Variants in TRHDE observed in about 807,000 individuals in gnomAD.
TRHDE encodes the protein thyrotropin-releasing hormone-degrading ectoenzyme.
A neutral mutation model predicts 125.7 loss-of-function variants in TRHDE; 72 were observed. The ratio of observed to expected loss-of-function variants is 0.57; its 90% confidence interval spans 0.47 to 0.70. The LOEUF is 0.70. Ranked by LOEUF, TRHDE falls within the 30% of genes least tolerant of loss-of-function variation. The probability of loss-of-function intolerance (pLI) is 0.00; values close to 1 mark genes in which losing one functional copy is unlikely to be tolerated. For missense variants in TRHDE, 1,110 were observed against 1,327.1 expected (o/e 0.84, Z 2.54); for synonymous variants, 509 against 509.1 (o/e 1.00, Z 0.00).
intron 12 of TRHDE, among the ~76,000 whole-genome samples, chr12:72,617,165 T>C (rs1163264213): frequency 6.6e-6 from 1 of 152,100 alleles, no homozygotes; most frequent in South Asian, 2.1e-4. Flanking sequence ...CAAATCTAGA[T>C]ACACTCTAAA....
intron 12 of TRHDE, among the ~76,000 whole-genome samples, 181 bp downstream of exon 12, chr12:72,575,723 T>G (rs1870961878): frequency 6.6e-6 from 1 of 152,150 alleles, no homozygotes; most frequent in South Asian, 2.1e-4. Context: ...CAATAATAGC[T>G]ATAGGGTATT....
chr12:72,558,504 GA>G (rs1258450604), intron 7 of TRHDE, among the ~76,000 whole-genome samples: 2 of 152,182 alleles, frequency 1.3e-5, no homozygotes, highest in Non-Finnish European at 2.9e-5. Flanking sequence ...ACAAGATTAT[GA>G]GGGCCATTTT....
chr12:72,167,452 C>G (rs1488968474), intron 2 of TRHDE: 3 of 152,120 alleles, frequency 2.0e-5, no homozygotes, highest in African/African-American at 7.2e-5. Flanking sequence ...TCTCTGCTTA[C>G]AAAGCTAACA....
intron 2 of TRHDE, among the ~76,000 whole-genome samples, chr12:72,261,421 G>T (rs1449270509): frequency 6.6e-6 from 1 of 152,124 alleles, no homozygotes; most frequent in Non-Finnish European, 1.5e-5. Context: ...AATGTGGCTG[G>T]CAGAGACCTA....
intron 2 of TRHDE, among the ~76,000 whole-genome samples, chr12:72,190,985 C>T (rs1026685203): frequency 2.0e-5 from 3 of 152,158 alleles, no homozygotes; most frequent in Admixed American, 6.5e-5. Context: ...ATTTTGCTTT[C>T]CCTGCTGCCA....
chr12:72,503,365 C>T lies in TRHDE; in HGVS notation c.1722+3730C>T, dbSNP rs139698726. Among the ~76,000 whole-genome samples the T allele has an allele frequency of 1.1e-4, 16 of 152,260 alleles. No homozygotes were observed. In the East Asian group the frequency reaches 3.1e-3, roughly 29 times the overall value. On this transcript the variant is annotated intron_variant, in intron 6 of 18. Transcript: ENST00000261180. ...CTTAATTATTTTCATGTTTGATTAA[C>T]AAGTTTGGCTGGAACATTTATTCCA...
Position 72,663,723 on chromosome 12 carries a change from T to A in TRHDE, c.*528T>A, listed in dbSNP as rs73316876. ...AAATGATATTCTCAATTTTGGGCAA[T>A]GTGAGAGGTAAAATAGCCCTTGACA... On this transcript the variant is annotated 3_prime_UTR_variant, in exon 19 of 19. Coordinates refer to ENST00000261180, the MANE Select transcript of TRHDE (RefSeq NM_013381.3). 6.6e-6 allele frequency: 1 copy of A among 152,526 alleles called. No homozygotes were observed. Among genetic ancestry groups the A allele is most frequent in the Admixed American group, 6.6e-5 (1 of 15,250 alleles). 9.4% of individuals were successfully genotyped at this position (152,526 alleles called of 1,614,324 possible).
chr12:72,474,471 T>C (rs974393508), intron 5 of TRHDE, among the ~76,000 whole-genome samples: 6 of 152,176 alleles, frequency 3.9e-5, no homozygotes, highest in African/African-American at 1.4e-4. Flanking sequence ...CATTTTATTC[T>C]CTGCTTCTGT....
chr12:72,458,024 T>C (rs1326340316), intron 3 of TRHDE, among the ~76,000 whole-genome samples: 2 of 152,146 alleles, frequency 1.3e-5, no homozygotes, highest in African/African-American at 4.8e-5. Context: ...CTGAGTTCCA[T>C]GCTGTGGGAT....
chr12:72,189,769 C>T (rs534403068), intron 2 of TRHDE, among the ~76,000 whole-genome samples: 2 of 152,206 alleles, frequency 1.3e-5, no homozygotes, highest in South Asian at 4.2e-4. Context: ...ATGGAGGGAA[C>T]CCATAAAGCT....
intron 2 of TRHDE, among the ~76,000 whole-genome samples, chr12:72,188,693 A>G (rs1399755279): frequency 6.6e-6 from 1 of 152,246 alleles, no homozygotes; most frequent in East Asian, 1.9e-4. Context: ...GTCTTTCAAG[A>G]AATGCCAAGA....
intron 9 of TRHDE, 150 bp downstream of exon 9, chr12:72,563,190 C>A: frequency 1.7e-6 from 1 of 572,346 alleles, no homozygotes; most frequent in Non-Finnish European, 2.9e-6. Flanking sequence ...CTTTGATTCT[C>A]CTTTTACTCC....
intron 15 of TRHDE, among the ~76,000 whole-genome samples, chr12:72,648,240 G>T (rs1874363693): frequency 6.6e-6 from 1 of 151,926 alleles, no homozygotes; most frequent in African/African-American, 2.4e-5. Context: ...GAATAAAAGG[G>T]AAGTGCCTCA....
chr12:72,532,786 T>C (rs1868626684), intron 6 of TRHDE, among the ~76,000 whole-genome samples: 1 of 149,564 alleles, frequency 6.7e-6, no homozygotes. Context: ...ATATATAGAT[T>C]ATATTATTTA....
Position 72,499,602 on chromosome 12 carries a change from T to C in TRHDE, c.1689T>C (p.Ile563=), listed in dbSNP as rs1299579997. Residue 563 remains isoleucine, a synonymous_variant, in exon 6 of 19, where the codon ATT becomes ATC. Transcript: ENST00000261180. ...AGGAAGTGCTGCAGGCAACAGATAT[T>C]GACAGGGTGTTTGACTGGATCGCAT... The part of the protein sequence containing the change: ...VSQEVLQATD[I]DRVFDWIAYK... 1.9e-6 allele frequency: 3 copies of C among 1,613,790 alleles called. No individual in the cohort carries two copies. The East Asian group carries it at 6.7e-5, about 36-fold the overall frequency.
At position 72,575,387 on chromosome 12, in the gene TRHDE, A is replaced by T. The variant is rs1313567515; in HGVS notation, c.2264A>T (p.Glu755Val). The T allele has an allele frequency of 1.2e-6, 2 of 1,613,524 alleles. No homozygotes were observed. Among genetic ancestry groups the T allele is most frequent in the African/African-American group, 1.3e-5 (1 of 74,892 alleles). Residue 755 changes from glutamate (E) to valine (V), a missense_variant and splice_region_variant, in exon 11 of 19, where the codon GAG (glutamate) becomes GTG (valine). Physicochemically the swap from Glu to Val is moderately radical, Grantham distance 121 (BLOSUM62 -2). Coordinates refer to ENST00000261180, the MANE Select transcript of TRHDE (RefSeq NM_013381.3). ...ATTGATCAATTAATCCGGAATCATG[A>T]GGTACACTCCAGATTTGCTTATCAA... is the stretch of plus-strand genomic sequence containing the variant. ...LLIDQLIRNH[E>V]VLSVSNRAGL...
Position 72,622,243 on chromosome 12 carries a change from T to A in TRHDE, c.2675+492T>A, listed in dbSNP as rs558414024. Among the ~76,000 whole-genome samples the A allele has an allele frequency of 3.9e-5, 6 of 152,206 alleles. No individual in the cohort carries two copies. In the East Asian group the frequency reaches 1.2e-3, roughly 29 times the overall value. On this transcript the variant is annotated intron_variant, in intron 15 of 18. Transcript: ENST00000261180. The stretch of plus-strand genomic sequence containing the variant: ...CCTTGACAATGACCTTAAACTTGTA[T>A]CTTATCTTAGAATTTTGCAATATAG...
intron 3 of TRHDE, among the ~76,000 whole-genome samples, chr12:72,449,365 C>T (rs1875459630): frequency 6.6e-6 from 1 of 151,988 alleles, no homozygotes; most frequent in Non-Finnish European, 1.5e-5. Flanking sequence ...CCATAATAAA[C>T]CTGTAAATGT....
intron 2 of TRHDE, among the ~76,000 whole-genome samples, chr12:72,208,085 TAA>T (rs1877705074): frequency 6.6e-6 from 1 of 152,208 alleles, no homozygotes; most frequent in South Asian, 2.1e-4. Flanking sequence ...TGTAAATCGT[TAA>T]GTCTCATGGA....
Sources: allele counts gnomAD v4.1 joint callset (sites outside exome capture counted in the v4.1 genomes callset), GRCh38; gene constraint gnomAD v4.1.1; transcripts MANE v1.5; gene names NCBI Gene and HGNC (gene_info 2026-07-23, HGNC 2026-07-21).